CA12: variants seen among roughly 807,000 people sequenced by gnomAD.
CA12 encodes carbonic anhydrase 12.
Under a neutral mutation model 46.8 loss-of-function variants are expected in CA12, and 36 were observed. That is an observed-to-expected ratio of 0.77 (90% CI 0.59 to 1.02). CA12 has a LOEUF of 1.02. Among genes scored for constraint, CA12 ranks in the 50% least tolerant of loss-of-function variants. The pLI, the probability that CA12 is intolerant of heterozygous loss-of-function variation, is 0.00. For missense variants in CA12, 436 were observed against 451.4 expected (o/e 0.97, Z 0.31); for synonymous variants, 202 against 187.0 (o/e 1.08, Z -0.65).
chr15:63,340,513 G>C lies in CA12; in HGVS notation c.590-68C>G. The C allele has an allele frequency of 6.3e-7, 1 of 1,589,282 alleles. No individual in the cohort carries two copies. Reference sequence around the variant, plus strand: ...CGTAGGGCATAAGTGCAGCTGAACAGAGCGACTGAGCCTAGAAACATGAAC... The same window carrying C: ...CGTAGGGCATAAGTGCAGCTGAACACAGCGACTGAGCCTAGAAACATGAAC... On this transcript the variant is annotated intron_variant, in intron 6 of 10. Coordinates refer to ENST00000178638, the MANE Select transcript of CA12 (RefSeq NM_001218.5). The surrounding 1 kb of genome is among the most constrained non-coding windows in gnomAD (Gnocchi z 4.4).
chr15:63,327,222 A>T lies in CA12; in HGVS notation c.919T>A (p.Ser307Thr). 6.2e-7 allele frequency: 1 copy of T among 1,613,932 alleles called. No individual in the cohort carries two copies. The highest frequency in any genetic ancestry group is 8.5e-7 in the Non-Finnish European group (1 of 1,179,876). ...AAGLSLGIIL[S>T]LALAGILGIC... ...CCAAGAATGCCAGCCAGGGCCAGTG[A>T]GAGGATGATGCCTGGTGAAGAGGTA... The change falls in exon 10 of 11, where the codon TCA (serine) becomes ACA (threonine). Residue 307 changes from serine to threonine, a missense_variant. Coordinates refer to ENST00000178638, the MANE Select transcript of CA12 (RefSeq NM_001218.5). The surrounding 1 kb of genome is among the most constrained non-coding windows in gnomAD (Gnocchi z 4.5).
intron 2 of CA12, among the ~76,000 whole-genome samples, chr15:63,363,202 A>G (rs2152623779): frequency 6.6e-6 from 1 of 152,278 alleles, no homozygotes; most frequent in East Asian, 1.9e-4. Flanking sequence ...CACTTCACCA[A>G]AAACAAATCT....
Position 63,325,709 on chromosome 15 carries a change from CTT to C in CA12, c.*574_*575del, listed in dbSNP as rs761975217. 1.6e-4 allele frequency: 28 copies of C among 176,672 alleles called. No homozygotes were observed. The highest frequency in any genetic ancestry group is 2.6e-4 in the Non-Finnish European group (21 of 81,290). 10.9% of individuals were successfully genotyped at this position (176,672 alleles called of 1,614,324 possible). ...CCCTAATATATCACAATGTATATCT[CTT>C]GTTTTCTTTTTCTCTCTACAACTTG... On this transcript the variant is annotated 3_prime_UTR_variant, in exon 11 of 11. Transcript: ENST00000178638. This position sits in a 1 kb window ranked among gnomAD's most constrained non-coding sequence, Gnocchi z 4.9.
chr15:63,345,706 C>T lies in CA12; in HGVS notation c.287-87G>A. On this transcript the variant is annotated intron_variant, in intron 3 of 10. Coordinates refer to ENST00000178638, the MANE Select transcript of CA12 (RefSeq NM_001218.5). This position sits in a 1 kb window ranked among gnomAD's most constrained non-coding sequence, Gnocchi z 4.3. Reference sequence around the variant, plus strand: ...TCAGGTAGGCAATGCTCCCTCCACCCCTGCTGCCACCCCCTGGAGCCCAGA... The same window carrying T: ...TCAGGTAGGCAATGCTCCCTCCACCTCTGCTGCCACCCCCTGGAGCCCAGA... The T allele has an allele frequency of 6.7e-7, 1 of 1,499,414 alleles. No homozygotes were observed. Among genetic ancestry groups the T allele is most frequent in the Non-Finnish European group, 9.0e-7 (1 of 1,111,076 alleles). The allele number at this position is 1,499,414 out of a possible 1,614,324, so 92.9% of individuals were successfully genotyped here.
intron 2 of CA12, among the ~76,000 whole-genome samples, chr15:63,368,282 C>G (rs2039459818): frequency 2.0e-5 from 3 of 152,340 alleles, no homozygotes; most frequent in Admixed American, 1.3e-4. Flanking sequence ...ATCTCTCTTT[C>G]TTGGCCTGGT....
chr15:63,327,294 G>T lies in CA12; in HGVS notation c.908-61C>A. On this transcript the variant is annotated intron_variant, in intron 9 of 10. Transcript: ENST00000178638. This position sits in a 1 kb window ranked among gnomAD's most constrained non-coding sequence, Gnocchi z 4.5. ...TCCTTCCCCTCCATCTTAGCCCATG[G>T]CCCCCGGGTGTGAAATCATGGCCCA... The T allele has an allele frequency of 7.5e-7, 1 of 1,336,364 alleles. No individual in the cohort carries two copies. Among genetic ancestry groups the T allele is most frequent in the Non-Finnish European group, 1.1e-6 (1 of 941,502 alleles). 82.8% of individuals were successfully genotyped at this position (1,336,364 alleles called of 1,614,324 possible). A position where few individuals can be genotyped will look rare whatever the true frequency, so the allele number is the denominator to read the frequency against.
At chr15:63,368,826 G>A (rs533441278) in intron 2 of CA12, among the ~76,000 whole-genome samples, 11 of 151,566 alleles carry the variant, frequency 7.3e-5, no homozygotes, top group Admixed American at 2.6e-4. Context: ...GGAAAAGGGC[G>A]CTGCATGAGG....
At position 63,339,827 on chromosome 15, in the gene CA12, TAAG is replaced by T. The variant is rs1481680953; in HGVS notation, c.747+458_747+460del. On this transcript the variant is annotated intron_variant, in intron 7 of 10. Coordinates refer to ENST00000178638, the MANE Select transcript of CA12 (RefSeq NM_001218.5). The surrounding 1 kb of genome is among the most constrained non-coding windows in gnomAD (Gnocchi z 4.3). ...CTCTTCTCTCTCATCTCCTATCAAA[TAAG>T]AAGCTTTAGAGGTGATGGCTAAGGA... Among the ~76,000 whole-genome samples the T allele has an allele frequency of 6.6e-6, 1 of 152,228 alleles. No individual in the cohort carries two copies. Among genetic ancestry groups the T allele is most frequent in the African/African-American group, 2.4e-5 (1 of 41,460 alleles).
chr15:63,343,203 T>C (rs2039103347), intron 4 of CA12, among the ~76,000 whole-genome samples: 1 of 152,034 alleles, frequency 6.6e-6, no homozygotes, highest in African/African-American at 2.4e-5. Context: ...GTACTTTTCT[T>C]ATTGTGCTCA....
At chr15:63,362,013 G>A (rs887881701) in intron 2 of CA12, among the ~76,000 whole-genome samples, 6 of 152,176 alleles carry the variant, frequency 3.9e-5, no homozygotes, top group African/African-American at 1.2e-4. Context: ...TTCTATATCA[G>A]GGGTTGGCTA....
At chr15:63,376,557 C>CCTTTCTTTCTTTCTTTCTCTTT (rs2039574591) in intron 1 of CA12, among the ~76,000 whole-genome samples, 1 of 104,526 alleles carries the variant, frequency 9.6e-6, no homozygotes, top group Non-Finnish European at 2.0e-5. Context: ...CTCTTTCTTT[C>CCTTTCTTTCTTTCTTTCTCTTT]CTTTCTTTCT....
intron 2 of CA12, 187 bp downstream of exon 2, chr15:63,375,471 G>C (rs555118397): frequency 4.7e-5 from 26 of 556,814 alleles, no homozygotes; most frequent in Non-Finnish European, 8.2e-5. Context: ...CTTGGAGAAA[G>C]TGCAGTATGC....
At chr15:63,335,178 C>T (rs1272033722) in intron 8 of CA12, among the ~76,000 whole-genome samples, 2 of 152,148 alleles carry the variant, frequency 1.3e-5, no homozygotes, top group Non-Finnish European at 2.9e-5. Context: ...ACCAACGGTG[C>T]TGCCAATGCT....
Position 63,353,319 on chromosome 15 carries a change from G to A in CA12, c.107-6610C>T, listed in dbSNP as rs764213566. ...AAGTAGAACCAACCATGAGTGAAAC[G>A]TGAGGAATGGCGTTCACTAGAGAGG... is the stretch of plus-strand genomic sequence containing the variant. On this transcript the variant is annotated intron_variant, in intron 2 of 10. Transcript: ENST00000178638. Among the ~76,000 whole-genome samples the A allele has an allele frequency of 5.3e-5, 8 of 152,290 alleles. 1 individual carries two copies. In the East Asian group the frequency reaches 5.8e-4, roughly 11 times the overall value.
chr15:63,348,381 C>A lies in CA12; in HGVS notation c.107-1672G>T, dbSNP rs1307580393. 6.6e-6 allele frequency among the ~76,000 whole-genome samples: 1 copy of A among 152,158 alleles called. No individual in the cohort carries two copies. Among genetic ancestry groups the A allele is most frequent in the Admixed American group, 6.5e-5 (1 of 15,274 alleles). On this transcript the variant is annotated intron_variant, in intron 2 of 10. Transcript: ENST00000178638. The surrounding 1 kb of genome is among the most constrained non-coding windows in gnomAD (Gnocchi z 4.6). ...GATATCAAAGCAGGCACTCCAGGGC[C>A]AAACTGGAGTAAGACAATTATTCAG...
At chr15:63,369,976 G>A (rs2039482825) in intron 2 of CA12, among the ~76,000 whole-genome samples, 1 of 152,156 alleles carries the variant, frequency 6.6e-6, no homozygotes, top group African/African-American at 2.4e-5. Flanking sequence ...CCCCAATTCT[G>A]CAATTCAGGA....
intron 2 of CA12, among the ~76,000 whole-genome samples, chr15:63,368,445 T>G (rs920103494): frequency 6.6e-6 from 1 of 152,212 alleles, no homozygotes; most frequent in African/African-American, 2.4e-5. Flanking sequence ...CGAGGAAACA[T>G]TCTCTGACCT....
At chr15:63,366,669 T>C (rs1419174446) in intron 2 of CA12, among the ~76,000 whole-genome samples, 2 of 152,256 alleles carry the variant, frequency 1.3e-5, no homozygotes, top group African/African-American at 4.8e-5. Context: ...GGTTTTTACA[T>C]CTGCCTTTGA....
rs1466645755 is a variant in CA12 at position 63,342,030 on chromosome 15, C to A, written c.497G>T (p.Gly166Val). The A allele has an allele frequency of 2.5e-6, 4 of 1,613,832 alleles. No homozygotes were observed. Among genetic ancestry groups the A allele is most frequent in the Non-Finnish European group, 3.4e-6 (4 of 1,179,814 alleles). ...AATGAGAACAGCCAGGACAGCGAGGCCTTCTGACTTGTTGCTGGCAGTGCT... is the reference window on the plus strand; with the variant it reads ...AATGAGAACAGCCAGGACAGCGAGGACTTCTGACTTGTTGCTGGCAGTGCT... ...DASTASNKSE[G>V]LAVLAVLIEM... Residue 166 changes from glycine to valine, a missense_variant, in exon 5 of 11, where the codon GGC becomes GTC. Gly to Val is a moderately radical substitution (Grantham distance 109). Transcript: ENST00000178638.
Sources: gnomAD v4.1 joint callset for allele counts (sites outside exome capture counted in the v4.1 genomes callset) on GRCh38, gnomAD v4.1.1 for gene constraint, Gnocchi (gnomAD v3.1) non-coding constraint, MANE v1.5 for transcripts, NCBI Gene and HGNC (gene_info 2026-07-23, HGNC 2026-07-21) for gene names.